EVI5: variants seen among roughly 807,000 people sequenced by gnomAD.
The protein encoded by EVI5 is ecotropic viral integration site 5 protein homolog.
Under a neutral mutation model 112.0 loss-of-function variants are expected in EVI5, and 73 were observed. The observed-to-expected ratio is 0.65, with a 90% CI of 0.54 to 0.79. The LOEUF (loss-of-function observed/expected upper bound fraction) is 0.79, where lower values mean the gene tolerates loss of function less well. Among genes scored for constraint, EVI5 ranks in the 30% least tolerant of loss-of-function variants. EVI5 has a pLI of 0.00. For missense variants in EVI5, 900 were observed against 968.8 expected (o/e 0.93, Z 0.94); for synonymous variants, 305 against 319.9 (o/e 0.95, Z 0.50).
chr1:92,596,435 T>C (rs1031974224), intron 18 of EVI5, among the ~76,000 whole-genome samples: 18 of 152,278 alleles, frequency 1.2e-4, no homozygotes, highest in South Asian at 6.2e-4. Flanking sequence ...GGATTAAATA[T>C]GTGAATATCC....
chr1:92,749,471 A>G (rs1558197957), intron 1 of EVI5: 2 of 154,328 alleles, frequency 1.3e-5, no homozygotes, highest in African/African-American at 4.8e-5. Flanking sequence ...CTACTATTTA[A>G]TTTTCCAACA....
At chr1:92,779,627 TAG>T (rs1005028871) in intron 1 of EVI5, among the ~76,000 whole-genome samples, 5 of 151,716 alleles carry the variant, frequency 3.3e-5, no homozygotes, top group African/African-American at 9.7e-5. Flanking sequence ...AGTGACTGAG[TAG>T]AGGAGGCTGA....
chr1:92,783,169 T>C (rs1338603795), intron 1 of EVI5, among the ~76,000 whole-genome samples: 1 of 152,084 alleles, frequency 6.6e-6, no homozygotes, highest in African/African-American at 2.4e-5. Flanking sequence ...TTCAATAACT[T>C]AGTTCTAAGA....
chr1:92,579,142 A>G (rs1040800533), intron 18 of EVI5, among the ~76,000 whole-genome samples: 1 of 152,228 alleles, frequency 6.6e-6, no homozygotes, highest in African/African-American at 2.4e-5. Context: ...GTAAAGAGTG[A>G]TATCAAGTCA....
At chr1:92,591,766 A>G (rs1673959705) in intron 18 of EVI5, among the ~76,000 whole-genome samples, 1 of 152,318 alleles carries the variant, frequency 6.6e-6, no homozygotes, top group East Asian at 1.9e-4. Context: ...GACCTAATAG[A>G]CATCTACAGA....
At chr1:92,647,541 A>T in intron 13 of EVI5, 1 of 533,222 alleles carries the variant, frequency 1.9e-6, no homozygotes, top group Non-Finnish European at 3.5e-6. Context: ...CAAAATTGAC[A>T]GAGACCTCTG....
At position 92,713,078 on chromosome 1, in the gene EVI5, A is replaced by G. The variant is rs192752661; in HGVS notation, c.150-8334T>C. 2.0e-5 allele frequency among the ~76,000 whole-genome samples: 3 copies of G among 152,200 alleles called. No homozygotes were observed. The East Asian group carries it at 5.8e-4, about 29-fold the overall frequency. On this transcript the variant is annotated intron_variant, in intron 2 of 19. Transcript: ENST00000684568. ...GCTACCATTAGAGGAGTGAGCCACC[A>G]GGCCCAGCCTGAAATTAATTTTAAT...
chr1:92,654,548 T>A (rs936889604), intron 13 of EVI5, among the ~76,000 whole-genome samples: 4 of 151,946 alleles, frequency 2.6e-5, no homozygotes, highest in African/African-American at 9.7e-5. Flanking sequence ...GAAAGTAAAT[T>A]CAAAAATAAG....
intron 9 of EVI5, among the ~76,000 whole-genome samples, chr1:92,678,837 C>A (rs1370271333): frequency 2.0e-5 from 3 of 152,226 alleles, no homozygotes; most frequent in African/African-American, 7.2e-5. Flanking sequence ...TTACTTATCT[C>A]ATTTAGCTCA....
chr1:92,653,923 G>A (rs1662579664), intron 13 of EVI5, among the ~76,000 whole-genome samples: 1 of 152,152 alleles, frequency 6.6e-6, no homozygotes, highest in Non-Finnish European at 1.5e-5. Flanking sequence ...ATGACAGGGA[G>A]AGAGATTACA....
chr1:92,767,251 C>T (rs1682778244), intron 1 of EVI5, among the ~76,000 whole-genome samples: 1 of 152,158 alleles, frequency 6.6e-6, no homozygotes, highest in African/African-American at 2.4e-5. Flanking sequence ...ACTATTGTTG[C>T]TGTATGACAG....
chr1:92,592,609 C>CA lies in EVI5; in HGVS notation c.2070+12697dup, dbSNP rs1437176407. ...GGAAATAGAAACATTAAAAGCCCTTCAAAAAATCAATGAATCCAGGAGCTG... is the reference window on the plus strand; with the variant it reads ...GGAAATAGAAACATTAAAAGCCCTTCAAAAAAATCAATGAATCCAGGAGCTG... On this transcript the variant is annotated intron_variant, in intron 18 of 19. Transcript: ENST00000684568. Among the ~76,000 whole-genome samples the CA allele has an allele frequency of 5.9e-5, 9 of 152,164 alleles. No homozygotes were observed. In the South Asian group the frequency reaches 1.2e-3, roughly 21 times the overall value.
At chr1:92,733,613 T>C (rs912914387) in intron 2 of EVI5, among the ~76,000 whole-genome samples, 1 of 151,852 alleles carries the variant, frequency 6.6e-6, no homozygotes, top group Non-Finnish European at 1.5e-5. Flanking sequence ...GGTTTCACCA[T>C]GTTGCCCAAG....
At chr1:92,789,822 A>G (rs1685954256), upstream of EVI5, among the ~76,000 whole-genome samples, 1 of 152,180 alleles carries the variant, frequency 6.6e-6, no homozygotes, top group East Asian at 1.9e-4. Context: ...CAAGGGAGAC[A>G]GTCCTCTGAA....
intron 13 of EVI5, among the ~76,000 whole-genome samples, chr1:92,656,384 A>G (rs1036959630): frequency 3.3e-5 from 5 of 152,142 alleles, no homozygotes; most frequent in African/African-American, 7.2e-5. Flanking sequence ...CCTCTGGGAT[A>G]TAGCAAAAGC....
At chr1:92,728,553 A>G (rs911449499) in intron 2 of EVI5, among the ~76,000 whole-genome samples, 6 of 152,028 alleles carry the variant, frequency 3.9e-5, no homozygotes, top group Admixed American at 3.3e-4. Flanking sequence ...ATGCCCAGCT[A>G]ATTGTTGTAT....
chr1:92,769,065 C>T (rs1312729324), intron 1 of EVI5, among the ~76,000 whole-genome samples: 2 of 152,120 alleles, frequency 1.3e-5, no homozygotes, highest in East Asian at 1.9e-4. Context: ...CACACTTAAC[C>T]AAGGTTACTT....
intron 18 of EVI5, among the ~76,000 whole-genome samples, chr1:92,571,009 T>C: frequency 6.6e-6 from 1 of 151,902 alleles, no homozygotes; most frequent in East Asian, 1.9e-4. Context: ...GAAAAAAGAA[T>C]TTCAAAAAGG....
intron 10 of EVI5, among the ~76,000 whole-genome samples, chr1:92,670,996 T>C (rs1196711385): frequency 6.6e-6 from 1 of 151,316 alleles, no homozygotes; most frequent in Non-Finnish European, 1.5e-5. Flanking sequence ...CCTACTTGAT[T>C]ATCACCATAA....
Sources: gnomAD v4.1 joint callset for allele counts (sites outside exome capture counted in the v4.1 genomes callset) on GRCh38, gnomAD v4.1.1 for gene constraint, MANE v1.5 for transcripts, NCBI Gene and HGNC (gene_info 2026-07-23, HGNC 2026-07-21) for gene names.